The following ZNF385D variants were observed in gnomAD, a reference collection of about 807,000 sequenced individuals.
The protein encoded by ZNF385D is zinc finger protein 659.
A neutral mutation model predicts 35.8 loss-of-function variants in ZNF385D; 15 were observed. The observed-to-expected ratio is 0.42, with a 90% CI of 0.28 to 0.64. The LOEUF (loss-of-function observed/expected upper bound fraction) is 0.64, where lower values mean the gene tolerates loss of function less well. Ranked by LOEUF, ZNF385D falls within the 30% of genes least tolerant of loss-of-function variation. ZNF385D has a pLI of 0.23. For synonymous variants in ZNF385D, 212 were observed against 186.8 expected (o/e 1.13, Z -1.10); for missense variants, 474 against 494.6 (o/e 0.96, Z 0.39).
At chr3:22,348,592 G>C (rs1291696958) in intron 2 of ZNF385D, among the ~76,000 whole-genome samples, 1 of 151,122 alleles carries the variant, frequency 6.6e-6, no homozygotes. Context: ...TGAACCCCGG[G>C]AGGTGGAAGT....
chr3:21,942,949 T>C (rs1052963406), intron 3 of ZNF385D, among the ~76,000 whole-genome samples: 29 of 152,324 alleles, frequency 1.9e-4, no homozygotes, highest in African/African-American at 6.0e-4. Context: ...TTGTAAGATG[T>C]TATAACTTAA....
At chr3:21,434,640 G>A (rs1476484077) in intron 5 of ZNF385D, among the ~76,000 whole-genome samples, 1 of 152,094 alleles carries the variant, frequency 6.6e-6, no homozygotes, top group Non-Finnish European at 1.5e-5. Flanking sequence ...CAAAAATGGT[G>A]GACAGAGGGG....
At chr3:22,005,171 G>C (rs1399523283) in intron 3 of ZNF385D, among the ~76,000 whole-genome samples, 1 of 151,010 alleles carries the variant, frequency 6.6e-6, no homozygotes, top group South Asian at 2.1e-4. Context: ...TGGCCCACAG[G>C]TACATGAAAA....
intron 3 of ZNF385D, among the ~76,000 whole-genome samples, chr3:21,895,331 T>TTTC (rs1307922540): frequency 7.3e-6 from 1 of 137,436 alleles, no homozygotes; most frequent in African/African-American, 2.8e-5. Context: ...TTTTTTTTTT[T>TTTC]TTTTTTTTTT....
At chr3:22,199,002 A>G (rs540512454) in intron 2 of ZNF385D, among the ~76,000 whole-genome samples, 1 of 152,224 alleles carries the variant, frequency 6.6e-6, no homozygotes, top group Admixed American at 6.6e-5. Flanking sequence ...CTACTGTTTA[A>G]TAAGTCTCAT....
At chr3:21,959,038 G>C (rs1702439116) in intron 3 of ZNF385D, 1 of 152,102 alleles carries the variant, frequency 6.6e-6, no homozygotes, top group South Asian at 2.1e-4. Flanking sequence ...TCTGGTATTT[G>C]TTGTTTCTAT....
At chr3:22,359,021 T>A (rs1696284442) in intron 2 of ZNF385D, among the ~76,000 whole-genome samples, 1 of 147,572 alleles carries the variant, frequency 6.8e-6, no homozygotes, top group South Asian at 2.1e-4. Context: ...GGCAAAAAAG[T>A]ATACTGCCTT....
At chr3:21,509,064 G>A (rs9310648) in intron 4 of ZNF385D, among the ~76,000 whole-genome samples, 89,070 of 150,990 alleles carry the variant, frequency 0.59, 26,296 homozygotes, top group East Asian at 0.71. Context: ...AGCAAGCTCC[G>A]GGGGGCTTTT....
chr3:22,124,304 C>T (rs1347745940), intron 3 of ZNF385D, among the ~76,000 whole-genome samples: 3 of 151,960 alleles, frequency 2.0e-5, no homozygotes, highest in Admixed American at 6.6e-5. Context: ...GTATAAGTAC[C>T]GCATTTTCAT....
intron 2 of ZNF385D, among the ~76,000 whole-genome samples, chr3:21,642,329 C>G (rs922912799): frequency 6.6e-6 from 1 of 152,056 alleles, no homozygotes; most frequent in Non-Finnish European, 1.5e-5. Flanking sequence ...TAAACCTTCC[C>G]TCTTAACCTC....
At chr3:21,438,525 G>C (rs773269179) in intron 4 of ZNF385D, among the ~76,000 whole-genome samples, 7 of 152,108 alleles carry the variant, frequency 4.6e-5, no homozygotes, top group Non-Finnish European at 8.8e-5. Flanking sequence ...TCCAGGCATA[G>C]GGGTGAAAAT....
chr3:21,595,620 G>A (rs1194053184), intron 2 of ZNF385D, among the ~76,000 whole-genome samples: 2 of 151,930 alleles, frequency 1.3e-5, no homozygotes, highest in Non-Finnish European at 2.9e-5. Context: ...TTGATACTTA[G>A]TTTACTATTT....
intron 2 of ZNF385D, among the ~76,000 whole-genome samples, chr3:22,350,736 A>G (rs969170720): frequency 6.6e-6 from 1 of 152,030 alleles, no homozygotes; most frequent in Non-Finnish European, 1.5e-5. Flanking sequence ...TAGAATGAAT[A>G]CACTTCTTGA....
At chr3:21,808,135 T>G (rs1334765314) in intron 3 of ZNF385D, among the ~76,000 whole-genome samples, 2 of 152,106 alleles carry the variant, frequency 1.3e-5, no homozygotes, top group East Asian at 1.9e-4. Context: ...TACAAAATAG[T>G]AGTGACACAG....
intron 3 of ZNF385D, among the ~76,000 whole-genome samples, chr3:21,808,914 G>C (rs913920664): frequency 5.3e-5 from 8 of 152,268 alleles, no homozygotes; most frequent in South Asian, 4.1e-4. Flanking sequence ...CAAAGACTTT[G>C]AAAACTAAAT....
chr3:21,838,438 A>G (rs1346551531), intron 3 of ZNF385D, among the ~76,000 whole-genome samples: 1 of 152,160 alleles, frequency 6.6e-6, no homozygotes, highest in African/African-American at 2.4e-5. Flanking sequence ...GATGCGAATC[A>G]ACAATGAAGA....
At chr3:22,061,458 T>G (rs1389823691) in intron 3 of ZNF385D, among the ~76,000 whole-genome samples, 1 of 152,090 alleles carries the variant, frequency 6.6e-6, no homozygotes, top group Non-Finnish European at 1.5e-5. Flanking sequence ...CCCCACAGAG[T>G]TTATTCTCTC....
intron 3 of ZNF385D, among the ~76,000 whole-genome samples, chr3:21,871,983 A>T (rs1008545866): frequency 2.6e-5 from 4 of 152,080 alleles, no homozygotes; most frequent in African/African-American, 9.7e-5. Context: ...GGCAACAAAG[A>T]GCGAAACTCT....
intron 2 of ZNF385D, among the ~76,000 whole-genome samples, chr3:22,192,170 G>T (rs537842469): frequency 6.6e-6 from 1 of 152,146 alleles, no homozygotes; most frequent in South Asian, 2.1e-4. Context: ...TCCAAAGGAG[G>T]ACATATGAGC....
Sources: allele counts gnomAD v4.1 joint callset (sites outside exome capture counted in the v4.1 genomes callset), GRCh38; gene constraint gnomAD v4.1.1; transcripts MANE v1.5; gene names NCBI Gene and HGNC (gene_info 2026-07-23, HGNC 2026-07-21).